The following RFFL variants were observed in gnomAD, a reference collection of about 807,000 sequenced individuals.
The protein encoded by RFFL is ring finger and FYVE like domain containing E3 ubiquitin protein ligase.
RFFL carries 16 observed loss-of-function variants against 40.4 expected under a neutral mutation model. The ratio of observed to expected loss-of-function variants is 0.40; its 90% CI spans 0.27 to 0.60. The LOEUF is 0.60. Among genes scored for constraint, RFFL ranks in the 20% least tolerant of loss-of-function variants. The pLI, the probability that RFFL is intolerant of heterozygous loss-of-function variation, is 0.47. For missense variants in RFFL, 367 were observed against 451.7 expected, an observed-to-expected ratio of 0.81 and a Z score of 1.70; for synonymous variants, 154 against 167.9, an observed-to-expected ratio of 0.92 and a Z score of 0.64.
upstream of RFFL, among the ~76,000 whole-genome samples, chr17:35,067,462 T>TC: frequency 6.7e-6 from 1 of 150,296 alleles, no homozygotes; most frequent in East Asian, 1.9e-4. Context: ...AAGCCTTTTT[T>TC]TTTTTTTTTT....
In RFFL at chr17:35,011,826, G is replaced by T; in HGVS notation, c.*142C>A. On this transcript the variant is annotated 3_prime_UTR_variant, in exon 7 of 7. Transcript: ENST00000394597. ...CCCTGGGAAGACAGGCATGCTCAGG[G>T]GTGACATGGCATCTTGCTTGACCTG... 1 of 757,592 alleles carries T rather than the reference G, an allele frequency of 1.3e-6. No homozygotes were observed. Among genetic ancestry groups the T allele is most frequent in the South Asian group, 1.7e-5 (1 of 58,036 alleles). 46.9% of individuals were successfully genotyped at this position (757,592 alleles called of 1,614,324 possible).
chr17:35,037,426 A>C (rs2091130867), intron 1 of RFFL, among the ~76,000 whole-genome samples: 1 of 152,256 alleles, frequency 6.6e-6, no homozygotes, highest in Non-Finnish European at 1.5e-5. Flanking sequence ...TTGAAAGGAA[A>C]TTCTGTGAAA....
At chr17:35,054,078 G>C (rs1390904769) in intron 1 of RFFL, among the ~76,000 whole-genome samples, 1 of 152,016 alleles carries the variant, frequency 6.6e-6, no homozygotes, top group Non-Finnish European at 1.5e-5. Flanking sequence ...ACCCTGGCCA[G>C]CCCTACCTAA....
intron 1 of RFFL, among the ~76,000 whole-genome samples, chr17:35,054,098 C>T (rs1241263292): frequency 1.3e-5 from 2 of 152,050 alleles, no homozygotes; most frequent in African/African-American, 2.4e-5. Context: ...ATGCCACCCT[C>T]GCTCTACAAG....
intron 1 of RFFL, among the ~76,000 whole-genome samples, chr17:35,039,331 C>T (rs373202709): frequency 1.1e-4 from 16 of 152,012 alleles, no homozygotes; most frequent in African/African-American, 2.4e-4. Context: ...GCGATTCTCA[C>T]GCCTCAGCCT....
chr17:35,080,864 A>G (rs1478896211), intron 1 of RFFL, among the ~76,000 whole-genome samples: 1 of 152,250 alleles, frequency 6.6e-6, no homozygotes, highest in African/African-American at 2.4e-5. Flanking sequence ...CAACTCAGAG[A>G]TAATGAAAAC....
intron 3 of RFFL, among the ~76,000 whole-genome samples, chr17:35,020,939 A>G (rs1215742621): frequency 1.3e-5 from 2 of 152,122 alleles, no homozygotes; most frequent in Non-Finnish European, 2.9e-5. Flanking sequence ...TTGCCTCCAT[A>G]TAGCCCTTTG....
intron 1 of RFFL, among the ~76,000 whole-genome samples, chr17:35,041,518 T>A (rs2091164851): frequency 6.6e-6 from 1 of 151,942 alleles, no homozygotes; most frequent in African/African-American, 2.4e-5. Flanking sequence ...CTTCTCCAAT[T>A]CATGCCGTGC....
intron 1 of RFFL, among the ~76,000 whole-genome samples, chr17:35,073,276 T>C (rs1198912264): frequency 6.6e-6 from 1 of 152,044 alleles, no homozygotes; most frequent in Non-Finnish European, 1.5e-5. Flanking sequence ...ACCAAAGCCA[T>C]GAGTAATGGG....
chr17:35,059,989 T>C (rs1385365921), intron 1 of RFFL, among the ~76,000 whole-genome samples: 1 of 152,226 alleles, frequency 6.6e-6, no homozygotes, highest in African/African-American at 2.4e-5. Flanking sequence ...GAATTTCTCA[T>C]AGTCCCAAAT....
upstream of RFFL, among the ~76,000 whole-genome samples, chr17:35,064,547 T>C (rs965663602): frequency 7.4e-6 from 1 of 135,494 alleles, no homozygotes; most frequent in South Asian, 2.3e-4. Context: ...ATTGGTGTTA[T>C]ACAAAAAAAA....
intron 1 of RFFL, among the ~76,000 whole-genome samples, chr17:35,029,121 G>C (rs1166355885): frequency 6.6e-6 from 1 of 151,906 alleles, no homozygotes; most frequent in Non-Finnish European, 1.5e-5. Flanking sequence ...ACCTGTCTGA[G>C]GGTTCTAAGT....
At chr17:35,082,671 T>C (rs1567719256) in intron 1 of RFFL, among the ~76,000 whole-genome samples, 1 of 152,188 alleles carries the variant, frequency 6.6e-6, no homozygotes, top group African/African-American at 2.4e-5. Flanking sequence ...GCCTACAGAA[T>C]AAAAATTGTG....
Position 35,010,373 on chromosome 17 carries a change from T to TCCTC in RFFL, c.*1591_*1594dup, listed in dbSNP as rs2090928781. On this transcript the variant is annotated 3_prime_UTR_variant, in exon 7 of 7. Transcript: ENST00000394597. Reference sequence around the variant, plus strand: ...CACGCTTCTGCAGCAAACTCTTAAGTCCTCCAGCTCCTCTAGGGGTGTAAA... The same window carrying TCCTC: ...CACGCTTCTGCAGCAAACTCTTAAGTCCTCCCTCCAGCTCCTCTAGGGGTGTAAA... 1 of 152,206 alleles carries TCCTC rather than the reference T, an allele frequency of 6.6e-6. No homozygotes were observed. The highest frequency in any genetic ancestry group is 6.5e-5 in the Admixed American group (1 of 15,284). 9.4% of individuals were successfully genotyped at this position (152,206 alleles called of 1,614,324 possible). A position where few individuals can be genotyped will look rare whatever the true frequency, so the allele number is the denominator to read the frequency against.
chr17:35,012,215 G>A, intron 6 of RFFL, 66 bp from the exon 7 acceptor site: 1 of 1,389,076 alleles, frequency 7.2e-7, no homozygotes, highest in South Asian at 1.3e-5. Context: ...AAGTGTATAG[G>A]GGTGACTGGG....
At chr17:35,016,679 C>G in intron 4 of RFFL, 99 bp from the exon 5 acceptor site, 1 of 909,956 alleles carries the variant, frequency 1.1e-6, no homozygotes, top group Non-Finnish European at 1.7e-6. Context: ...ATTTTGGTGA[C>G]TGACCTCATG....
At chr17:35,030,818 A>G (rs137922432) in intron 1 of RFFL, among the ~76,000 whole-genome samples, 2 of 152,052 alleles carry the variant, frequency 1.3e-5, no homozygotes, top group Non-Finnish European at 2.9e-5. Context: ...AATCTGGAAT[A>G]AGAAGGCCTC....
At chr17:35,035,791 T>C (rs562920206) in intron 1 of RFFL, among the ~76,000 whole-genome samples, 6 of 151,756 alleles carry the variant, frequency 4.0e-5, no homozygotes, top group Non-Finnish European at 8.8e-5. Flanking sequence ...GCAACCTCCA[T>C]CTCCAGGGTT....
At chr17:35,048,258 C>T (rs1021065553) in intron 1 of RFFL, among the ~76,000 whole-genome samples, 1 of 151,488 alleles carries the variant, frequency 6.6e-6, no homozygotes, top group East Asian at 2.0e-4. Flanking sequence ...AAAAATTAGC[C>T]GGGAGTGGCG....
Sources: gnomAD v4.1 joint callset for allele counts (sites outside exome capture counted in the v4.1 genomes callset) on GRCh38, gnomAD v4.1.1 for gene constraint, MANE v1.5 for transcripts, NCBI Gene and HGNC (gene_info 2026-07-23, HGNC 2026-07-21) for gene names.